Variants in ANKLE2 observed in about 807,000 individuals in gnomAD.
ANKLE2 encodes the protein ankyrin repeat and LEM domain containing 2, also known as ankyrin repeat and LEM domain-containing protein 2.
In ANKLE2, 55 loss-of-function variants were observed where a neutral mutation model predicts 84.2. The ratio of observed to expected loss-of-function variants is 0.65; its 90% CI spans 0.53 to 0.82. The LOEUF is 0.82. ANKLE2 is among the 40% of genes least tolerant of loss of function. The pLI is 0.00. For missense variants in ANKLE2, 1,238 were observed against 1,201.9 expected (o/e 1.03, Z -0.44); for synonymous variants, 551 against 486.1 (o/e 1.13, Z -1.76).
chr12:132,741,158 C>T lies in ANKLE2; in HGVS notation c.1420+261G>A, dbSNP rs137978932. ...GGATGAGGCCACCAGCAACAGGCAGCGACACACAACCTCAAAAAAGTTCTC... is the reference window on the plus strand; with the variant it reads ...GGATGAGGCCACCAGCAACAGGCAGTGACACACAACCTCAAAAAAGTTCTC... On this transcript the variant is annotated intron_variant, in intron 7 of 12. Coordinates refer to ENST00000357997, the MANE Select transcript of ANKLE2 (RefSeq NM_015114.3). 9.9e-5 allele frequency among the ~76,000 whole-genome samples: 15 copies of T among 152,220 alleles called. No homozygotes were observed. The East Asian group carries it at 1.7e-3, about 18-fold the overall frequency.
intron 9 of ANKLE2, chr12:132,734,864 C>A: frequency 2.4e-6 from 1 of 411,688 alleles, no homozygotes; most frequent in Non-Finnish European, 4.3e-6. Flanking sequence ...CCAGGTCACA[C>A]AGTTCAACTC....
intron 9 of ANKLE2, chr12:132,735,021 T>C: frequency 3.5e-6 from 1 of 288,048 alleles, no homozygotes; most frequent in Non-Finnish European, 6.5e-6. Context: ...GAAAATATTC[T>C]AAACAATTCC....
Position 132,727,929 on chromosome 12 carries a change from C to T in ANKLE2, c.2615+103G>A, listed in dbSNP as rs2043742877. 8.2e-6 allele frequency: 12 copies of T among 1,459,276 alleles called. No individual in the cohort carries two copies. In the Admixed American group the frequency reaches 1.6e-4, roughly 20 times the overall value. The allele number at this position is 1,459,276 out of a possible 1,614,324, so 90.4% of individuals were successfully genotyped here. On this transcript the variant is annotated intron_variant, in intron 12 of 12. Coordinates refer to ENST00000357997, the MANE Select transcript of ANKLE2 (RefSeq NM_015114.3). ...ACAGCCTGGCTGACGGGCCTGCCAG[C>T]GTTGGGAAAAGCCACTGATAGGTTC...
intron 5 of ANKLE2, chr12:132,745,723 G>A (rs1245680433): frequency 8.6e-5 from 16 of 186,272 alleles, no homozygotes; most frequent in African/African-American, 1.6e-4. Context: ...AGGGAGGGGC[G>A]ACGAGCCCGT....
intron 1 of ANKLE2, chr12:132,759,794 T>C (rs1202058765): frequency 6.6e-6 from 1 of 151,980 alleles, no homozygotes; most frequent in Non-Finnish European, 1.5e-5. Flanking sequence ...ATCACTATCA[T>C]CCCCATTCCT....
rs945489543 is a variant in ANKLE2 at position 132,727,541 on chromosome 12, C to G, written c.2616-98G>C. The G allele has an allele frequency of 2.0e-4, 279 of 1,375,228 alleles. 1 individual carries two copies. Among genetic ancestry groups the G allele is most frequent in the Non-Finnish European group, 3.3e-5 (33 of 1,005,338 alleles). The allele number at this position is 1,375,228 out of a possible 1,614,324, so 85.2% of individuals were successfully genotyped here. ...ATGGCCCCAGACTCAGGCACATGCG[C>G]CCGGGCGGAGGAGAGGCACTGGTGA... is the stretch of plus-strand genomic sequence containing the variant. On this transcript the variant is annotated intron_variant, in intron 12 of 12. Transcript: ENST00000357997.
Position 132,736,902 on chromosome 12 carries a change from A to C in ANKLE2, c.1584T>G (p.Ser528Arg). 6.2e-7 allele frequency: 1 copy of C among 1,606,522 alleles called. No individual in the cohort carries two copies. Residue 528 changes from serine (S) to arginine (R), a missense_variant, in exon 8 of 13, where the codon AGT becomes AGG. Physicochemically the swap from Ser to Arg is moderately radical, Grantham distance 110 (BLOSUM62 -1). Transcript: ENST00000357997. ...LTLRAFAGPL[S>R]PAKAEDFRKL... ...TTCTACAGCAGCTCACCTTGGCTGG[A>C]CTCAGGGGCCCTGCGAAGGCTCTCA...
Position 132,727,168 on chromosome 12 carries a change from TGACAG to T in ANKLE2, c.*69_*73del. ...AATTTAATCAGAATATATTCCTTTT[TGACAG>T]TTTAGCAATAAACATATGACCCTTC... On this transcript the variant is annotated 3_prime_UTR_variant, in exon 13 of 13. Coordinates refer to ENST00000357997, the MANE Select transcript of ANKLE2 (RefSeq NM_015114.3). 7.2e-7 allele frequency: 1 copy of T among 1,392,368 alleles called. No individual in the cohort carries two copies. The highest frequency in any genetic ancestry group is 2.8e-5 in the Admixed American group (1 of 35,386). The allele number at this position is 1,392,368 out of a possible 1,614,324, so 86.3% of individuals were successfully genotyped here. A position where few individuals can be genotyped will look rare whatever the true frequency, so the allele number is the denominator to read the frequency against.
At chr12:132,750,607 C>T (rs377127609) in intron 3 of ANKLE2, 36 bp downstream of exon 3, 307 of 1,608,550 alleles carry the variant, frequency 1.9e-4, no homozygotes, top group Non-Finnish European at 2.5e-4. Context: ...ATCAATGTGA[C>T]AGGAACATCA....
At position 132,729,770 on chromosome 12, in the gene ANKLE2, T is replaced by G. The variant is rs1363614756; in HGVS notation, c.2392A>C (p.Ile798Leu). The G allele has an allele frequency of 6.2e-7, 1 of 1,612,118 alleles. No individual in the cohort carries two copies. Among genetic ancestry groups the G allele is most frequent in the Admixed American group, 1.7e-5 (1 of 59,904 alleles). The change falls in exon 11 of 13, where the codon ATC becomes CTC. Residue 798 changes from isoleucine to leucine, a missense_variant. Coordinates refer to ENST00000357997, the MANE Select transcript of ANKLE2 (RefSeq NM_015114.3). ...RRTESEMSARIAKMSLSPSSP... is the reference protein window; with the variant it reads ...RRTESEMSARLAKMSLSPSSP... Reference sequence around the variant, plus strand: ...CTGGGACTCAAGGACATTTTAGCGATCCTGGCTGACATTTCACTTTCTGTC... The same window carrying G: ...CTGGGACTCAAGGACATTTTAGCGAGCCTGGCTGACATTTCACTTTCTGTC...
chr12:132,752,243 A>G (rs1593177314), intron 2 of ANKLE2, among the ~76,000 whole-genome samples: 2 of 152,178 alleles, frequency 1.3e-5, no homozygotes, highest in South Asian at 4.1e-4. Flanking sequence ...GGGAGGCTGC[A>G]GCAGGAAAAT....
chr12:132,727,588 A>C, intron 12 of ANKLE2, 145 bp from the exon 13 acceptor site: 1 of 446,446 alleles, frequency 2.2e-6, no homozygotes, highest in Non-Finnish European at 3.4e-6. Flanking sequence ...GCGGGCACAC[A>C]CGCCCGGGTG....
intron 8 of ANKLE2, 63 bp downstream of exon 8, chr12:132,736,830 C>T (rs1438685095): frequency 1.6e-5 from 24 of 1,503,920 alleles, no homozygotes; most frequent in Non-Finnish European, 2.1e-5. Flanking sequence ...CAGGCTGGAA[C>T]ACCCAGCAGC....
At chr12:132,731,405 A>C (rs1246535215) in intron 10 of ANKLE2, 2 of 129,570 alleles carry the variant, frequency 1.5e-5, no homozygotes, top group Non-Finnish European at 3.3e-5. Context: ...TCTTAGTTTA[A>C]TGTATGTCAA....
chr12:132,734,554 C>A lies in ANKLE2; in HGVS notation c.1722G>T (p.Gly574=). The change falls in exon 10 of 13, where the codon GGG becomes GGT. Residue 574 remains glycine (G), a synonymous_variant. Coordinates refer to ENST00000357997, the MANE Select transcript of ANKLE2 (RefSeq NM_015114.3). ...RVGRELAHEL[G]YPWVEYWEFL... ...ATTCCCAGTATTCAACCCAGGGATA[C>A]CCCAGCTCATGAGCTAGCTCCCTGT... is the stretch of plus-strand genomic sequence containing the variant. The A allele has an allele frequency of 6.2e-7, 1 of 1,612,176 alleles. No individual in the cohort carries two copies. Among genetic ancestry groups the A allele is most frequent in the Non-Finnish European group, 8.5e-7 (1 of 1,179,328 alleles).
chr12:132,746,545 A>G (rs1346737513), intron 5 of ANKLE2, among the ~76,000 whole-genome samples: 1 of 152,162 alleles, frequency 6.6e-6, no homozygotes, highest in African/African-American at 2.4e-5. Flanking sequence ...CTGCCCACAG[A>G]AAGTAAACTG....
intron 1 of ANKLE2, chr12:132,759,202 T>TCGCTGCGGAGTGG (rs1566042072): frequency 1.8e-5 from 1 of 54,870 alleles, no homozygotes. Flanking sequence ...GCAGAGTGGA[T>TCGCTGCGGAGTGG]CATGCAGAGT....
chr12:132,744,537 A>G (rs886643691), intron 5 of ANKLE2, among the ~76,000 whole-genome samples: 4 of 152,026 alleles, frequency 2.6e-5, no homozygotes, highest in Non-Finnish European at 4.4e-5. Context: ...CCCTCCCGCC[A>G]TCACCCACTA....
chr12:132,758,684 C>T (rs1368625229), intron 1 of ANKLE2: 1 of 152,154 alleles, frequency 6.6e-6, no homozygotes, highest in Non-Finnish European at 1.5e-5. Context: ...CCACCACGCC[C>T]CGCTATTTTT....
Sources: allele counts gnomAD v4.1 joint callset (sites outside exome capture counted in the v4.1 genomes callset), GRCh38; gene constraint gnomAD v4.1.1; transcripts MANE v1.5; gene names NCBI Gene and HGNC (gene_info 2026-07-23, HGNC 2026-07-21).